The following ANKRD11 variants were observed in gnomAD, a reference collection of about 807,000 sequenced individuals.
ANKRD11 encodes ankyrin repeat domain-containing protein 11.
Under a neutral mutation model 195.7 loss-of-function variants are expected in ANKRD11, and 17 were observed. That is an observed-to-expected ratio of 0.09 (90% CI 0.06 to 0.13). The LOEUF (loss-of-function observed/expected upper bound fraction) is 0.13. Among genes scored for constraint, ANKRD11 ranks in the 10% least tolerant of loss-of-function variants. The pLI, the probability that ANKRD11 is intolerant of heterozygous loss-of-function variation, is 1.00. For missense variants in ANKRD11, 3,735 were observed against 3,566.1 expected, an observed-to-expected ratio of 1.05 and a Z score of -1.21; for synonymous variants, 1,953 against 1,528.1, an observed-to-expected ratio of 1.28 and a Z score of -6.49.
At chr16:89,308,548 C>A (rs142751531) in intron 3 of ANKRD11, among the ~76,000 whole-genome samples, 6 of 152,186 alleles carry the variant, frequency 3.9e-5, no homozygotes, top group Non-Finnish European at 5.9e-5. Context: ...ATGACAGCCA[C>A]GAGGAGATGC....
At chr16:89,320,957 C>T (rs2037281993) in intron 2 of ANKRD11, among the ~76,000 whole-genome samples, 1 of 152,218 alleles carries the variant, frequency 6.6e-6, no homozygotes, top group Admixed American at 6.5e-5. Flanking sequence ...TGGCCTGCTC[C>T]TCCCGGAAGG....
chr16:89,430,393 TCTCAA>T (rs2042925550), intron 1 of ANKRD11, among the ~76,000 whole-genome samples: 1 of 147,404 alleles, frequency 6.8e-6, no homozygotes, highest in Non-Finnish European at 1.5e-5. Flanking sequence ...CAGCAGGGAC[TCTCAA>T]CTCTCACGCT....
At chr16:89,385,888 G>C (rs1017433484) in intron 2 of ANKRD11, among the ~76,000 whole-genome samples, 2 of 152,242 alleles carry the variant, frequency 1.3e-5, no homozygotes, top group African/African-American at 4.8e-5. Flanking sequence ...CGTTCCCTCC[G>C]TAGGCAACCC....
intron 2 of ANKRD11, among the ~76,000 whole-genome samples, chr16:89,344,546 G>C (rs995066912): frequency 2.0e-5 from 3 of 152,194 alleles, no homozygotes; most frequent in South Asian, 2.1e-4. Flanking sequence ...ACAAATAAAG[G>C]CTCCTCCTTG....
Position 89,289,087 on chromosome 16 carries a change from A to C in ANKRD11, c.602-417T>G, listed in dbSNP as rs544863075. ...AAGGCTGAGAGCCTCCTGAAGGCTGAAGAGCTGCTACAGCAGGAGCTCCAG... is the reference window on the plus strand; with the variant it reads ...AAGGCTGAGAGCCTCCTGAAGGCTGCAGAGCTGCTACAGCAGGAGCTCCAG... On this transcript the variant is annotated intron_variant, in intron 6 of 12. Transcript: ENST00000301030. 329 of 286,014 alleles carry C rather than the reference A, an allele frequency of 1.2e-3. 2 individuals are homozygous for C. The highest frequency in any genetic ancestry group is 4.0e-3 in the Middle Eastern group (3 of 758). 17.7% of individuals were successfully genotyped at this position (286,014 alleles called of 1,614,324 possible). A position where few individuals can be genotyped will look rare whatever the true frequency, so the allele number is the denominator to read the frequency against.
chr16:89,488,546 T>TTA (rs899689350), intron 1 of ANKRD11, among the ~76,000 whole-genome samples: 45 of 151,546 alleles, frequency 3.0e-4, no homozygotes, highest in African/African-American at 1.0e-3. Flanking sequence ...CAGCCAATAC[T>TTA]TACTAAGAGA....
chr16:89,488,446 C>T (rs1567874425), intron 1 of ANKRD11, among the ~76,000 whole-genome samples: 1 of 151,382 alleles, frequency 6.6e-6, no homozygotes, highest in African/African-American at 2.4e-5. Context: ...ATCCGCCCCC[C>T]CCCCTTTTTT....
chr16:89,456,744 C>G (rs2056454577), intron 1 of ANKRD11, among the ~76,000 whole-genome samples: 2 of 152,102 alleles, frequency 1.3e-5, no homozygotes, highest in Admixed American at 6.5e-5. Context: ...TGAACTCATT[C>G]CTAGGAAGTC....
At chr16:89,286,757 C>CA in intron 7 of ANKRD11, 6 of 1,287,072 alleles carry the variant, frequency 4.7e-6, no homozygotes, top group Non-Finnish European at 6.1e-6. Flanking sequence ...ACATGACTGA[C>CA]AGAGACAACC....
intron 2 of ANKRD11, among the ~76,000 whole-genome samples, chr16:89,355,811 C>T (rs956250327): frequency 1.3e-5 from 2 of 152,324 alleles, no homozygotes; most frequent in East Asian, 1.9e-4. Context: ...CGGCGGTTCA[C>T]GGCAAGGGTC....
chr16:89,316,375 C>G (rs2036956433), intron 3 of ANKRD11, among the ~76,000 whole-genome samples: 1 of 152,104 alleles, frequency 6.6e-6, no homozygotes, highest in Admixed American at 6.5e-5. Flanking sequence ...TCCTAACACC[C>G]CAGAACCCAG....
chr16:89,417,673 T>C (rs917235761), intron 2 of ANKRD11, among the ~76,000 whole-genome samples: 5 of 152,086 alleles, frequency 3.3e-5, no homozygotes, highest in African/African-American at 1.2e-4. Context: ...AACAGCACTA[T>C]GCCCAGAAGC....
intron 6 of ANKRD11, among the ~76,000 whole-genome samples, chr16:89,289,507 G>A (rs1047704220): frequency 6.6e-6 from 1 of 152,190 alleles, no homozygotes; most frequent in Admixed American, 6.5e-5. Context: ...AAGCCCCTGG[G>A]CCGTATCAGG....
chr16:89,428,262 A>G (rs1378610229), intron 1 of ANKRD11, among the ~76,000 whole-genome samples: 1 of 148,508 alleles, frequency 6.7e-6, no homozygotes, highest in Non-Finnish European at 1.5e-5. Context: ...ACGGTGGTTC[A>G]CGCCTATAAT....
At chr16:89,402,991 G>C (rs1482895733) in intron 2 of ANKRD11, among the ~76,000 whole-genome samples, 1 of 152,140 alleles carries the variant, frequency 6.6e-6, no homozygotes, top group Non-Finnish European at 1.5e-5. Flanking sequence ...CTAGAGCAAG[G>C]CCAGTCACCT....
chr16:89,305,129 G>A, intron 4 of ANKRD11, 77 bp downstream of exon 4: 2 of 1,571,928 alleles, frequency 1.3e-6, no homozygotes, highest in East Asian at 2.2e-5. Context: ...GGAGGTGCGG[G>A]GGCCAGGGAC....
At chr16:89,462,844 T>C (rs2056737050) in intron 1 of ANKRD11, among the ~76,000 whole-genome samples, 1 of 149,696 alleles carries the variant, frequency 6.7e-6, no homozygotes. Flanking sequence ...AGCCACCCCG[T>C]CTGGGAAGTG....
At chr16:89,424,804 T>C (rs1845784240) in intron 1 of ANKRD11, among the ~76,000 whole-genome samples, 2 of 152,186 alleles carry the variant, frequency 1.3e-5, no homozygotes, top group Admixed American at 1.3e-4. Context: ...ATTATGGAAC[T>C]ATTCAGCACC....
chr16:89,437,420 C>T (rs1485822644), intron 1 of ANKRD11, among the ~76,000 whole-genome samples: 1 of 152,190 alleles, frequency 6.6e-6, no homozygotes, highest in Non-Finnish European at 1.5e-5. Flanking sequence ...CCCACTGACT[C>T]CTCCACACCC....
Sources: allele counts gnomAD v4.1 joint callset (sites outside exome capture counted in the v4.1 genomes callset), GRCh38; gene constraint gnomAD v4.1.1; transcripts MANE v1.5; gene names NCBI Gene and HGNC (gene_info 2026-07-23, HGNC 2026-07-21).